DLG1: variants seen among roughly 807,000 people sequenced by gnomAD.
DLG1 encodes disks large homolog 1.
A neutral mutation model predicts 123.4 loss-of-function variants in DLG1; 42 were observed. The ratio of observed to expected loss-of-function variants is 0.34; its 90% CI spans 0.27 to 0.44. The LOEUF (loss-of-function observed/expected upper bound fraction) is 0.44, where lower values mean the gene tolerates loss of function less well. DLG1 is among the 20% of genes least tolerant of loss of function. The pLI, the probability that DLG1 is intolerant of heterozygous loss-of-function variation, is 1.00. For synonymous variants in DLG1, 317 were observed against 356.2 expected, an observed-to-expected ratio of 0.89 and a Z score of 1.24; for missense variants, 942 against 1,082.6, an observed-to-expected ratio of 0.87 and a Z score of 1.82.
At chr3:197,091,158 A>T (rs539473769) in intron 14 of DLG1, 132 bp from the exon 15 acceptor site, 21 of 530,152 alleles carry the variant, frequency 4.0e-5, no homozygotes, top group Non-Finnish European at 6.1e-5. Context: ...TAATATGCGA[A>T]AGATTTTGCC....
rs1754450741 is a variant in DLG1, at chr3:197,086,495, A to C, written c.1662-739T>G. On this transcript the variant is annotated intron_variant, in intron 15 of 24. Coordinates refer to ENST00000667157, the MANE Select transcript of DLG1 (RefSeq NM_001366207.1). ...AGAAAGGATCACAGCAATTACATTT[A>C]TAATATAATTTATTCATTCTTTTGT... is the stretch of plus-strand genomic sequence containing the variant. Among the ~76,000 whole-genome samples the C allele has an allele frequency of 2.0e-5, 3 of 152,214 alleles. No homozygotes were observed. In the South Asian group the frequency reaches 6.2e-4, roughly 32 times the overall value.
chr3:197,265,875 C>A (rs533097667), intron 4 of DLG1, among the ~76,000 whole-genome samples: 1 of 152,264 alleles, frequency 6.6e-6, no homozygotes, highest in East Asian at 1.9e-4. Flanking sequence ...CATGGTGAAA[C>A]CCCGTCTCTA....
At chr3:197,050,152 G>A (rs1295595792) in intron 24 of DLG1, among the ~76,000 whole-genome samples, 1 of 152,086 alleles carries the variant, frequency 6.6e-6, no homozygotes, top group Non-Finnish European at 1.5e-5. Context: ...TGGATCACGA[G>A]GTCAGGAGAT....
At chr3:197,045,577 TAA>T (rs35371226) in intron 24 of DLG1, among the ~76,000 whole-genome samples, 5 of 142,682 alleles carry the variant, frequency 3.5e-5, no homozygotes, top group Non-Finnish European at 6.1e-5. Flanking sequence ...CCTGTGTATT[TAA>T]AAAAAAAAAA....
chr3:197,286,194 G>GA (rs1304911686), intron 3 of DLG1, among the ~76,000 whole-genome samples: 1 of 152,166 alleles, frequency 6.6e-6, no homozygotes, highest in Non-Finnish European at 1.5e-5. Context: ...AAAGATCAGT[G>GA]GTTTTCAGGA....
intron 10 of DLG1, among the ~76,000 whole-genome samples, 184 bp from the exon 11 acceptor site, chr3:197,130,855 G>A (rs756933748): frequency 3.4e-4 from 52 of 152,138 alleles, no homozygotes; most frequent in Non-Finnish European, 6.0e-4. Context: ...ATGTGAAGTC[G>A]TTGAATGTTA....
At chr3:197,200,095 TTAGA>T (rs1489530774) in intron 4 of DLG1, among the ~76,000 whole-genome samples, 2 of 152,142 alleles carry the variant, frequency 1.3e-5, no homozygotes, top group Admixed American at 6.5e-5. Context: ...TTCATTCCTG[TTAGA>T]TAATTTCCAG....
chr3:197,203,388 G>A (rs1051354378), intron 4 of DLG1, among the ~76,000 whole-genome samples: 25 of 151,956 alleles, frequency 1.6e-4, no homozygotes, highest in African/African-American at 5.3e-4. Context: ...ATCTCCATTC[G>A]AAAACTAGGT....
In DLG1 at chr3:197,290,203, A is replaced by G. The variant is rs189786017; in HGVS notation, c.151+6143T>C. On this transcript the variant is annotated intron_variant, in intron 3 of 24. Transcript: ENST00000667157. ...TCTGCAAGTTCATGAAAGACACGGG[A>G]AAAAAAGAAGGAAGGCTCTTGTTTA... 6.2e-3 allele frequency among the ~76,000 whole-genome samples: 941 copies of G among 152,312 alleles called. 10 individuals carry two copies. Among genetic ancestry groups the G allele is most frequent in the African/African-American group, 0.02 (849 of 41,568 alleles).
At chr3:197,177,226 C>T (rs1368466135) in intron 5 of DLG1, among the ~76,000 whole-genome samples, 1 of 151,970 alleles carries the variant, frequency 6.6e-6, no homozygotes, top group Non-Finnish European at 1.5e-5. Flanking sequence ...ATGTGTCTGC[C>T]AAGGGTCAGC....
intron 17 of DLG1, among the ~76,000 whole-genome samples, chr3:197,077,687 G>C (rs565197412): frequency 1.3e-5 from 2 of 152,244 alleles, no homozygotes; most frequent in African/African-American, 2.4e-5. Flanking sequence ...TTGGAAACAA[G>C]TTTTTCCTTG....
At chr3:197,284,652 T>C (rs547139556) in intron 3 of DLG1, among the ~76,000 whole-genome samples, 145 of 152,286 alleles carry the variant, frequency 9.5e-4, no homozygotes, top group African/African-American at 3.4e-3. Flanking sequence ...TTTTATTTAC[T>C]ACCCTGCGAA....
intron 4 of DLG1, among the ~76,000 whole-genome samples, chr3:197,261,102 C>CA (rs1759238051): frequency 6.6e-6 from 1 of 152,184 alleles, no homozygotes; most frequent in African/African-American, 2.4e-5. Flanking sequence ...ACTATGTAAC[C>CA]TTTCAAACTC....
intron 5 of DLG1, among the ~76,000 whole-genome samples, chr3:197,181,564 T>A (rs1318272484): frequency 1.3e-5 from 2 of 152,136 alleles, no homozygotes; most frequent in African/African-American, 2.4e-5. Flanking sequence ...TCCAATTATA[T>A]CTCAAGTTAT....
chr3:197,136,396 A>AT, intron 10 of DLG1, 146 bp downstream of exon 10: 1 of 591,048 alleles, frequency 1.7e-6, no homozygotes, highest in South Asian at 2.5e-5. Context: ...ACCAAGAATC[A>AT]TTTTTTAGGA....
At chr3:197,295,613 C>T (rs1027019001) in intron 3 of DLG1, among the ~76,000 whole-genome samples, 1 of 152,006 alleles carries the variant, frequency 6.6e-6, no homozygotes, top group African/African-American at 2.4e-5. Flanking sequence ...AGATTATACA[C>T]AAAATATGAG....
intron 11 of DLG1, among the ~76,000 whole-genome samples, chr3:197,124,972 AT>A (rs1778302714): frequency 6.6e-6 from 1 of 152,204 alleles, no homozygotes; most frequent in Non-Finnish European, 1.5e-5. Flanking sequence ...CAAGAACAAG[AT>A]TCTCTGCAGA....
intron 5 of DLG1, among the ~76,000 whole-genome samples, chr3:197,173,271 G>A (rs1435981873): frequency 6.6e-6 from 1 of 152,136 alleles, no homozygotes; most frequent in East Asian, 1.9e-4. Flanking sequence ...TGGTGGCGGT[G>A]GTAGTGGTGG....
At chr3:197,114,493 A>ATTTC (rs1459646804) in intron 13 of DLG1, among the ~76,000 whole-genome samples, 60 of 152,244 alleles carry the variant, frequency 3.9e-4, no homozygotes, top group African/African-American at 1.4e-3. Context: ...AGATTGAACT[A>ATTTC]ACTTTTAAAG....
Sources: allele counts gnomAD v4.1 joint callset (sites outside exome capture counted in the v4.1 genomes callset), GRCh38; gene constraint gnomAD v4.1.1; transcripts MANE v1.5; gene names NCBI Gene and HGNC (gene_info 2026-07-23, HGNC 2026-07-21).